MRPL28: variants seen among roughly 807,000 people sequenced by gnomAD.
MRPL28 encodes the protein mitochondrial ribosomal protein L28.
Under a neutral mutation model 26.2 loss-of-function variants are expected in MRPL28, and 25 were observed. The observed-to-expected ratio is 0.95, with a 90% CI of 0.69 to 1.33. The LOEUF is 1.33. Ranked by LOEUF, MRPL28 falls within the 40% of genes most tolerant of loss-of-function variation. The pLI is 0.00. For missense variants in MRPL28, 432 were observed against 327.2 expected, an observed-to-expected ratio of 1.32 and a Z score of -2.47; for synonymous variants, 227 against 140.1, an observed-to-expected ratio of 1.62 and a Z score of -4.38.
chr16:368,216 A>G lies in MRPL28; in HGVS notation c.663+112T>C, dbSNP rs1002526305. 5 of 1,290,198 alleles carry G rather than the reference A, an allele frequency of 3.9e-6. No individual in the cohort carries two copies. In the African/African-American group the frequency reaches 7.3e-5, roughly 19 times the overall value. The allele number at this position is 1,290,198 out of a possible 1,614,324, so 79.9% of individuals were successfully genotyped here. Reference sequence around the variant, plus strand: ...AATGCAGAGCAGCAGCTCTTCCCCAAGCCCACCCAGTGCACCAGCCCCTTG... The same window carrying G: ...AATGCAGAGCAGCAGCTCTTCCCCAGGCCCACCCAGTGCACCAGCCCCTTG... On this transcript the variant is annotated intron_variant, in intron 5 of 5. Transcript: ENST00000199706.
At chr16:369,843 A>C (rs2054303396) in intron 2 of MRPL28, 88 bp downstream of exon 2, 14 of 1,489,772 alleles carry the variant, frequency 9.4e-6, no homozygotes, top group Non-Finnish European at 1.1e-5. Context: ...GGGCCCACCC[A>C]GGTCTCTCCA....
rs758662475 is a variant in MRPL28, at chr16:367,744, C to A, written c.702G>T (p.Leu234=). Residue 234 remains leucine (L), a synonymous_variant, in exon 6 of 6, where the codon CTG becomes CTT. Transcript: ENST00000199706. ...GTGCCTGCTGCTGCAGCTGCTGGAT[C>A]AGCTCCGCCACATAGATCTTGAACA... ...VPLFKIYVAE[L]IQQLQQQALS... 6.2e-6 allele frequency: 10 copies of A among 1,613,740 alleles called. No individual in the cohort carries two copies. The highest frequency in any genetic ancestry group is 7.6e-6 in the Non-Finnish European group (9 of 1,180,024).
Position 367,345 on chromosome 16 carries a change from C to T in MRPL28, c.*330G>A, listed in dbSNP as rs1483233020. On this transcript the variant is annotated 3_prime_UTR_variant, in exon 6 of 6. Coordinates refer to ENST00000199706, the MANE Select transcript of MRPL28 (RefSeq NM_006428.5). ...GCAGCAAGGGCAGGGGTGACAGGAT[C>T]AGGATCCCCAAAGAGAACACCAGTC... The T allele has an allele frequency of 1.3e-5, 8 of 638,914 alleles. No homozygotes were observed. Among genetic ancestry groups the T allele is most frequent in the Admixed American group, 7.4e-5 (3 of 40,726 alleles). 39.6% of individuals were successfully genotyped at this position (638,914 alleles called of 1,614,324 possible).
At chr16:368,442 T>C in intron 4 of MRPL28, 28 bp from the exon 5 acceptor site, 1 of 1,613,450 alleles carries the variant, frequency 6.2e-7, no homozygotes, top group Non-Finnish European at 8.5e-7. Flanking sequence ...GAAAGGGCAG[T>C]GAGGCCCAGG....
chr16:367,881 G>T (rs2141745094), intron 5 of MRPL28, 99 bp from the exon 6 acceptor site: 1 of 998,184 alleles, frequency 1.0e-6, no homozygotes, highest in Non-Finnish European at 1.5e-6. Context: ...AGGAACCGGG[G>T]CATGAGAGGC....
rs1199135538 is a variant in MRPL28 at position 369,485 on chromosome 16, G to A, written c.289-265C>T. 3 of 633,958 alleles carry A rather than the reference G, an allele frequency of 4.7e-6. No individual in the cohort carries two copies. The African/African-American group carries it at 5.4e-5, about 12-fold the overall frequency. 39.3% of individuals were successfully genotyped at this position (633,958 alleles called of 1,614,324 possible). A position where few individuals can be genotyped will look rare whatever the true frequency, so the allele number is the denominator to read the frequency against. On this transcript the variant is annotated intron_variant, in intron 2 of 5. Transcript: ENST00000199706. ...TCACATGGTTGCTGCATGTGTTTCA[G>A]AAACATGTGCGACCCCACAGTTTAC...
At chr16:368,946 T>C in intron 3 of MRPL28, 122 bp downstream of exon 3, 1 of 1,287,334 alleles carries the variant, frequency 7.8e-7, no homozygotes, top group Non-Finnish European at 1.1e-6. Context: ...CACTCACGCT[T>C]TCCCAGTGAC....
rs773938011 is a variant in MRPL28 at position 370,222 on chromosome 16, G to C, written c.-4C>G. On this transcript the variant is annotated 5_prime_UTR_variant, in exon 2 of 6. Coordinates refer to ENST00000199706, the MANE Select transcript of MRPL28 (RefSeq NM_006428.5). ...CGGGATACTTGTGTAGAGGCATCGCGAGCCTGGCGGGAGGTGGGGGCTCGC... is the reference window on the plus strand; with the variant it reads ...CGGGATACTTGTGTAGAGGCATCGCCAGCCTGGCGGGAGGTGGGGGCTCGC... The C allele has an allele frequency of 6.4e-7, 1 of 1,569,708 alleles. No homozygotes were observed. The highest frequency in any genetic ancestry group is 8.6e-7 in the Non-Finnish European group (1 of 1,161,958).
In MRPL28 at chr16:370,057, G is replaced by A. The variant is rs770406789; in HGVS notation, c.162C>T (p.Pro54=). The change falls in exon 2 of 6, where the codon CCC becomes CCT. Residue 54 remains proline, a synonymous_variant. Transcript: ENST00000199706. ...RPHGAKFKIN[P]KNGQRERVED... ...CCACACGCTCCCGCTGCCCGTTCTT[G>A]GGGTTGATCTTGAACTTGGCCCCAT... is the stretch of plus-strand genomic sequence containing the variant. The A allele has an allele frequency of 1.6e-4, 251 of 1,612,990 alleles. 1 individual carries two copies. The Middle Eastern group carries it at 7.1e-3, about 46-fold the overall frequency.
chr16:369,155 G>C lies in MRPL28; in HGVS notation c.354C>G (p.Ile118Met). 1 of 1,614,064 alleles carries C rather than the reference G, an allele frequency of 6.2e-7. No individual in the cohort carries two copies. Among genetic ancestry groups the C allele is most frequent in the African/African-American group, 1.3e-5 (1 of 75,042 alleles). Residue 118 changes from isoleucine to methionine, a missense_variant, in exon 3 of 6, where the codon ATC becomes ATG. Transcript: ENST00000199706. ...QLFEREFYSEILDKKFTVTVT... is the reference protein window; with the variant it reads ...QLFEREFYSEMLDKKFTVTVT... ...CAGTCACTGTGAACTTCTTGTCCAG[G>C]ATCTCACTGTAGAACTCTCGCTCAA...
chr16:368,899 A>G, intron 3 of MRPL28, 169 bp downstream of exon 3: 1 of 1,055,602 alleles, frequency 9.5e-7, no homozygotes, highest in Non-Finnish European at 1.3e-6. Flanking sequence ...TGAAGGCAGG[A>G]AACCCCACTG....
rs116981754 is a variant in MRPL28 at position 367,072 on chromosome 16, C to T, written c.*603G>A. 1.2e-3 allele frequency among the ~76,000 whole-genome samples: 176 copies of T among 152,154 alleles called. 2 individuals are homozygous for T. The highest frequency in any genetic ancestry group is 0.01 in the South Asian group (49 of 4,816). ...AAATACAATTAGCCATACATGATAG[C>T]GGGGTGCCTGTAATCCCAGCTACTC... is the stretch of plus-strand genomic sequence containing the variant. On this transcript the variant is annotated 3_prime_UTR_variant, in exon 6 of 6. Coordinates refer to ENST00000199706, the MANE Select transcript of MRPL28 (RefSeq NM_006428.5).
intron 3 of MRPL28, 39 bp from the exon 4 acceptor site, chr16:368,674 G>A (rs1280731546): frequency 4.6e-6 from 7 of 1,521,388 alleles, no homozygotes; most frequent in South Asian, 1.3e-5. Context: ...GCTGGTGGCA[G>A]GGCCCCACCT....
At position 367,537 on chromosome 16, in the gene MRPL28, G is replaced by A. The variant is rs1179987211; in HGVS notation, c.*138C>T. On this transcript the variant is annotated 3_prime_UTR_variant, in exon 6 of 6. Transcript: ENST00000199706. Reference sequence around the variant, plus strand: ...CCAAGCTGGCCCCGGGCTGGAAGGTGCATGGGCAGCACACGAAACCAGGAT... The same window carrying A: ...CCAAGCTGGCCCCGGGCTGGAAGGTACATGGGCAGCACACGAAACCAGGAT... 1 of 807,852 alleles carries A rather than the reference G, an allele frequency of 1.2e-6. No individual in the cohort carries two copies. Among genetic ancestry groups the A allele is most frequent in the South Asian group, 1.5e-5 (1 of 67,886 alleles). The allele number at this position is 807,852 out of a possible 1,614,324, so 50.0% of individuals were successfully genotyped here. A position where few individuals can be genotyped will look rare whatever the true frequency, so the allele number is the denominator to read the frequency against.
At chr16:370,283 C>G in intron 1 of MRPL28, 58 bp from the exon 2 acceptor site, 1 of 1,447,194 alleles carries the variant, frequency 6.9e-7, no homozygotes, top group South Asian at 1.4e-5. Flanking sequence ...CCGGCACTCA[C>G]CCCCTACCCC....
In MRPL28 at chr16:368,488, C is replaced by T. The variant is rs755125933; in HGVS notation, c.576+13G>A. ...GAGTCCCCAGGTGTAGGGAGCGGGA[C>T]GGAAACCCTCACCTTGTACTTGTCG... On this transcript the variant is annotated intron_variant, in intron 4 of 5. Coordinates refer to ENST00000199706, the MANE Select transcript of MRPL28 (RefSeq NM_006428.5). 21 of 1,608,290 alleles carry T rather than the reference C, an allele frequency of 1.3e-5. No individual in the cohort carries two copies. Among genetic ancestry groups the T allele is most frequent in the Admixed American group, 1.2e-4 (7 of 59,728 alleles).
chr16:368,925 G>T, intron 3 of MRPL28, 143 bp downstream of exon 3: 1 of 1,152,212 alleles, frequency 8.7e-7, no homozygotes, highest in African/African-American at 1.6e-5. Context: ...GGCCAGAAAG[G>T]GGCATGGCCC....
chr16:370,259 G>C, intron 1 of MRPL28, 34 bp from the exon 2 acceptor site: 1 of 1,303,738 alleles, frequency 7.7e-7, no homozygotes, highest in Non-Finnish European at 9.9e-7. Flanking sequence ...GTCAGTCGCA[G>C]CCTGGCCAGG....
chr16:367,702 C>T lies in MRPL28; in HGVS notation c.744G>A (p.Val248=). ...ACTGGCCACTGGCTCTCTTCTGCAC[C>T]ACCGCCGGCTCTGACAGTGCCTGCT... ...LQQQALSEPA[V]VQKRASGQ Residue 248 remains valine, a synonymous_variant, in exon 6 of 6, where the codon GTG becomes GTA. Coordinates refer to ENST00000199706, the MANE Select transcript of MRPL28 (RefSeq NM_006428.5). The T allele has an allele frequency of 1.9e-6, 3 of 1,613,792 alleles. No individual in the cohort carries two copies. The highest frequency in any genetic ancestry group is 2.5e-6 in the Non-Finnish European group (3 of 1,180,020).
Sources: gnomAD v4.1 joint callset for allele counts (sites outside exome capture counted in the v4.1 genomes callset) on GRCh38, gnomAD v4.1.1 for gene constraint, MANE v1.5 for transcripts, NCBI Gene and HGNC (gene_info 2026-07-23, HGNC 2026-07-21) for gene names.